Variants in SPINK2 observed in about 807,000 individuals in gnomAD.
SPINK2 encodes serine peptidase inhibitor Kazal type 2.
Under a neutral mutation model 13.5 loss-of-function variants are expected in SPINK2, and 8 were observed. That is an observed-to-expected ratio of 0.59 (90% CI 0.35 to 1.07). The LOEUF (loss-of-function observed/expected upper bound fraction) is 1.07. Ranked by LOEUF, SPINK2 falls within the 50% of genes least tolerant of loss-of-function variation. The pLI is 0.02. For missense variants in SPINK2, 148 were observed against 180.3 expected (o/e 0.82, Z 1.03); for synonymous variants, 76 against 74.7 (o/e 1.02, Z -0.09).
chr4:56,821,737 G>C, upstream of SPINK2: 3 of 1,365,994 alleles, frequency 2.2e-6, no homozygotes, highest in Non-Finnish European at 2.8e-6. Flanking sequence ...CGTGCGACGG[G>C]GCGCGGGGAG....
intron 2 of SPINK2, among the ~76,000 whole-genome samples, chr4:56,814,960 CAAAAAAAAAAA>C (rs5858398): frequency 4.4e-4 from 45 of 102,548 alleles, no homozygotes; most frequent in Non-Finnish European, 2.2e-4. Context: ...GACTCCGTCT[CAAAAAAAAAAA>C]AAAAAAAAAA....
chr4:56,809,969 T>A lies in SPINK2; in HGVS notation c.*170A>T. ...CCAAGAAACAAGGATTCTTTTTTTC[T>A]TTAAATTATCCATCACTACACATGG... On this transcript the variant is annotated 3_prime_UTR_variant, in exon 4 of 4. Transcript: ENST00000506738. 6 of 1,473,954 alleles carry A rather than the reference T, an allele frequency of 4.1e-6. No individual in the cohort carries two copies. In the South Asian group the frequency reaches 8.3e-5, roughly 20 times the overall value. 91.3% of individuals were successfully genotyped at this position (1,473,954 alleles called of 1,614,324 possible).
At chr4:56,814,996 C>G (rs1201374761) in intron 2 of SPINK2, among the ~76,000 whole-genome samples, 1 of 148,340 alleles carries the variant, frequency 6.7e-6, no homozygotes, top group South Asian at 2.1e-4. Flanking sequence ...AAGGCTGAGG[C>G]AGGAGAATCA....
intron 2 of SPINK2, among the ~76,000 whole-genome samples, chr4:56,815,434 T>A (rs10007921): frequency 1.7e-3 from 256 of 152,244 alleles, no homozygotes; most frequent in African/African-American, 5.9e-3. Context: ...ACAGAGGGGC[T>A]CATGCCTGTA....
At chr4:56,810,288 C>A in intron 3 of SPINK2, 104 bp from the exon 4 acceptor site, 1 of 888,558 alleles carries the variant, frequency 1.1e-6, no homozygotes, top group South Asian at 1.7e-5. Flanking sequence ...ATATTAGATT[C>A]CTTCCACAGC....
chr4:56,817,709 C>G (rs1717572963), intron 2 of SPINK2, among the ~76,000 whole-genome samples: 1 of 152,068 alleles, frequency 6.6e-6, no homozygotes, highest in South Asian at 2.1e-4. Context: ...TAGAAATTAG[C>G]CGAGCATGGC....
chr4:56,811,049 T>A (rs1269132008), intron 3 of SPINK2, among the ~76,000 whole-genome samples: 2 of 152,170 alleles, frequency 1.3e-5, no homozygotes, highest in Non-Finnish European at 2.9e-5. Context: ...CACATGCCCT[T>A]TGAATTAAAA....
rs578214437 is a variant in SPINK2, at chr4:56,812,732, C to G, written c.250-938G>C. Among the ~76,000 whole-genome samples the G allele has an allele frequency of 2.8e-4, 42 of 152,204 alleles. 1 individual carries two copies. The highest frequency in any genetic ancestry group is 1.0e-3 in the African/African-American group (42 of 41,524). The stretch of plus-strand genomic sequence containing the variant: ...GATGTTTATTAAATTCCACCTTAAT[C>G]CCTTGCCTTAATGCCAAGACAAAAT... On this transcript the variant is annotated intron_variant, in intron 2 of 3. Transcript: ENST00000506738.
At chr4:56,821,137 T>C (rs1168028008) in intron 1 of SPINK2, among the ~76,000 whole-genome samples, 1 of 152,254 alleles carries the variant, frequency 6.6e-6, no homozygotes, top group South Asian at 2.1e-4. Flanking sequence ...TATTTTCCTT[T>C]ACAACTCGGG....
At position 56,821,488 on chromosome 4, in the gene SPINK2, C is replaced by T. The variant is rs974764053; in HGVS notation, c.175G>A (p.Val59Ile). ...AGGTCCTCTGGGGAACCGCCAGTAA[C>T]GGGCGCGCGGGTACCGTCGCCGAGG... ...GGLGDGTRAP[V>I]TGGSPEDLPA... The change falls in exon 1 of 4, where the codon GTT (valine) becomes ATT (isoleucine). Residue 59 changes from valine to isoleucine, a missense_variant. By Grantham distance (29) the Val-to-Ile change is conservative. Coordinates refer to ENST00000506738, the MANE Select transcript of SPINK2 (RefSeq NM_001271718.2). The T allele has an allele frequency of 1.0e-5, 16 of 1,534,454 alleles. No individual in the cohort carries two copies. The highest frequency in any genetic ancestry group is 9.9e-5 in the East Asian group (4 of 40,488).
intron 2 of SPINK2, among the ~76,000 whole-genome samples, chr4:56,815,019 A>T (rs1329881453): frequency 1.3e-5 from 2 of 151,504 alleles, no homozygotes; most frequent in African/African-American, 4.8e-5. Flanking sequence ...CAGGAGGCAG[A>T]GGTTGCAGTG....
chr4:56,811,940 T>A, intron 2 of SPINK2, 146 bp from the exon 3 acceptor site: 2 of 227,012 alleles, frequency 8.8e-6, no homozygotes, highest in Non-Finnish European at 1.6e-5. Context: ...ATTTTTTCTT[T>A]TTTTTTTTTT....
intron 1 of SPINK2, 44 bp from the exon 2 acceptor site, chr4:56,820,623 T>G: frequency 6.7e-7 from 1 of 1,490,358 alleles, no homozygotes; most frequent in Non-Finnish European, 9.3e-7. Flanking sequence ...AGGATCAAGG[T>G]AAGGTATTGT....
rs183537789 is a variant in SPINK2, at chr4:56,814,667, A to T, written c.250-2873T>A. Among the ~76,000 whole-genome samples the T allele has an allele frequency of 6.0e-3, 894 of 149,876 alleles. 9 individuals carry two copies. The highest frequency in any genetic ancestry group is 0.02 in the African/African-American group (779 of 39,624). Reference sequence around the variant, plus strand: ...CCAAAACTCTTTTATGATTTTTTTTAAAAAAAAGAGGTGGCCAGGCGCGGT... The same window carrying T: ...CCAAAACTCTTTTATGATTTTTTTTTAAAAAAAGAGGTGGCCAGGCGCGGT... On this transcript the variant is annotated intron_variant, in intron 2 of 3. Coordinates refer to ENST00000506738, the MANE Select transcript of SPINK2 (RefSeq NM_001271718.2).
chr4:56,813,800 G>C (rs1717195674), intron 2 of SPINK2, among the ~76,000 whole-genome samples: 1 of 151,318 alleles, frequency 6.6e-6, no homozygotes, highest in African/African-American at 2.4e-5. Flanking sequence ...TGTATTTTTA[G>C]TAGAAACAGG....
intron 2 of SPINK2, among the ~76,000 whole-genome samples, chr4:56,814,451 T>C (rs952153962): frequency 1.3e-5 from 2 of 152,032 alleles, no homozygotes; most frequent in Admixed American, 1.3e-4. Context: ...AAAGAAAAGT[T>C]GGATCCTGCC....
Position 56,821,611 on chromosome 4 carries a change from C to T in SPINK2, c.52G>A (p.Ala18Thr), listed in dbSNP as rs771414831. ...CCAGGACCGCTCCGAGCGCTACCTGCGAAGGTAACTGCCAGGAGCAGCAGC... is the reference window on the plus strand; with the variant it reads ...CCAGGACCGCTCCGAGCGCTACCTGTGAAGGTAACTGCCAGGAGCAGCAGC... ...LALLLLAVTF[A>T]GSARSGPGER... The change falls in exon 1 of 4, where the codon GCA (alanine) becomes ACA (threonine). Residue 18 changes from alanine to threonine, a missense_variant. Ala to Thr is a moderately conservative substitution (Grantham distance 58). Coordinates refer to ENST00000506738, the MANE Select transcript of SPINK2 (RefSeq NM_001271718.2). 23 of 1,549,708 alleles carry T rather than the reference C, an allele frequency of 1.5e-5. No homozygotes were observed. The highest frequency in any genetic ancestry group is 2.0e-5 in the Non-Finnish European group (23 of 1,147,662).
At chr4:56,815,428 AG>A (rs1717355806) in intron 2 of SPINK2, among the ~76,000 whole-genome samples, 1 of 152,120 alleles carries the variant, frequency 6.6e-6, no homozygotes, top group Non-Finnish European at 1.5e-5. Flanking sequence ...AAGATGACAG[AG>A]GGGCTCATGC....
At chr4:56,817,378 T>C (rs1317179197) in intron 2 of SPINK2, among the ~76,000 whole-genome samples, 1 of 152,158 alleles carries the variant, frequency 6.6e-6, no homozygotes, top group African/African-American at 2.4e-5. Context: ...CAAATAGATA[T>C]ACAGGTTCAA....
Sources: gnomAD v4.1 joint callset for allele counts (sites outside exome capture counted in the v4.1 genomes callset) on GRCh38, gnomAD v4.1.1 for gene constraint, MANE v1.5 for transcripts, NCBI Gene and HGNC (gene_info 2026-07-23, HGNC 2026-07-21) for gene names.